RALGAPA2: variants seen among roughly 807,000 people sequenced by gnomAD.
RALGAPA2 encodes Ral GTPase activating protein catalytic subunit alpha 2.
Under a neutral mutation model 230.4 loss-of-function variants are expected in RALGAPA2, and 139 were observed. That is an observed-to-expected ratio of 0.60 (90% CI 0.53 to 0.69). The LOEUF (loss-of-function observed/expected upper bound fraction) is 0.69, where lower values mean the gene tolerates loss of function less well. Ranked by LOEUF, RALGAPA2 falls within the 30% of genes least tolerant of loss-of-function variation. The pLI is 0.00. For synonymous variants in RALGAPA2, 847 were observed against 837.8 expected (o/e 1.01, Z -0.19); for missense variants, 2,163 against 2,276.0 (o/e 0.95, Z 1.01).
intron 20 of RALGAPA2, among the ~76,000 whole-genome samples, chr20:20,579,228 T>C (rs962333239): frequency 6.6e-6 from 1 of 152,206 alleles, no homozygotes; most frequent in African/African-American, 2.4e-5. Context: ...AAAATTTAAT[T>C]GCTCTTTTCA....
chr20:20,572,089 T>C (rs910937677), intron 21 of RALGAPA2, 143 bp from the exon 22 acceptor site: 15 of 624,592 alleles, frequency 2.4e-5, no homozygotes, highest in African/African-American at 1.7e-4. Flanking sequence ...TTCTCTTTTA[T>C]TGTGAAATTA....
At chr20:20,617,274 G>A (rs6132325) in intron 12 of RALGAPA2, among the ~76,000 whole-genome samples, 2,276 of 152,232 alleles carry the variant, frequency 0.015, 91 homozygotes, top group East Asian at 0.14. Flanking sequence ...CAAAAGTCAA[G>A]TGGATGAACT....
rs2064633907 is a variant in RALGAPA2, at chr20:20,571,535, G to A, written c.3079C>T (p.Gln1027Ter). Reference sequence around the variant, plus strand: ...AAATCTGAGTTTGGCAGAACGTCCTGGCGTCTGGTCATCATGGCACAGATC... The same window carrying A: ...AAATCTGAGTTTGGCAGAACGTCCTAGCGTCTGGTCATCATGGCACAGATC... ...RLICAMMTRR[Q>*]DVLPNSDFLV... The change falls in exon 23 of 40, where the codon CAG (glutamine) becomes TAG (stop). Residue 1027 changes from glutamine to a stop codon, truncating the protein, a stop_gained. Transcript: ENST00000202677. LOFTEE classifies it high-confidence loss of function. 2 of 1,612,580 alleles carry A rather than the reference G, an allele frequency of 1.2e-6. No homozygotes were observed. Among genetic ancestry groups the A allele is most frequent in the African/African-American group, 1.3e-5 (1 of 74,902 alleles).
intron 3 of RALGAPA2, among the ~76,000 whole-genome samples, chr20:20,671,543 C>T (rs889185024): frequency 1.3e-5 from 2 of 152,300 alleles, no homozygotes; most frequent in South Asian, 2.1e-4. Context: ...CAGAATGAAA[C>T]ATACAAATTA....
intron 37 of RALGAPA2, among the ~76,000 whole-genome samples, chr20:20,451,661 A>C (rs1199441007): frequency 2.0e-5 from 3 of 152,244 alleles, no homozygotes; most frequent in African/African-American, 7.2e-5. Flanking sequence ...TGTAAATGCA[A>C]ATAACTGCCT....
chr20:20,519,398 C>T (rs2062970751), intron 31 of RALGAPA2, among the ~76,000 whole-genome samples: 1 of 152,180 alleles, frequency 6.6e-6, no homozygotes, highest in Non-Finnish European at 1.5e-5. Context: ...TACCCCTGGA[C>T]CTTTGTCCTC....
chr20:20,663,891 C>G (rs1346805522), intron 3 of RALGAPA2, among the ~76,000 whole-genome samples: 1 of 152,214 alleles, frequency 6.6e-6, no homozygotes, highest in Admixed American at 6.5e-5. Flanking sequence ...CACGCCTGGC[C>G]TGGAGCCATT....
At chr20:20,555,060 A>G (rs988579781) in intron 23 of RALGAPA2, among the ~76,000 whole-genome samples, 7 of 152,158 alleles carry the variant, frequency 4.6e-5, no homozygotes, top group African/African-American at 1.7e-4. Flanking sequence ...TTTAGCTCTC[A>G]TATTTAGGAC....
chr20:20,505,920 A>AAT (rs1280309509), intron 33 of RALGAPA2, among the ~76,000 whole-genome samples: 1 of 152,182 alleles, frequency 6.6e-6, no homozygotes, highest in Non-Finnish European at 1.5e-5. Context: ...TTGGTAAAAA[A>AAT]ATATCTTTTA....
intron 37 of RALGAPA2, among the ~76,000 whole-genome samples, chr20:20,443,661 C>T (rs1008389253): frequency 1.1e-4 from 17 of 152,252 alleles, no homozygotes; most frequent in African/African-American, 3.6e-4. Flanking sequence ...GGTCAGAATG[C>T]CTGTGCGCCA....
chr20:20,494,512 T>A (rs1004627836), intron 36 of RALGAPA2, among the ~76,000 whole-genome samples: 2 of 152,198 alleles, frequency 1.3e-5, no homozygotes, highest in Non-Finnish European at 2.9e-5. Flanking sequence ...AGCACACAGA[T>A]CATTGGATTG....
At chr20:20,664,707 A>G (rs887271945) in intron 3 of RALGAPA2, among the ~76,000 whole-genome samples, 4 of 152,190 alleles carry the variant, frequency 2.6e-5, no homozygotes, top group Non-Finnish European at 5.9e-5. Context: ...AGGGGAAAAA[A>G]TCACTCCAAG....
At position 20,398,601 on chromosome 20, in the gene RALGAPA2, T is replaced by C. The variant is rs1350995095; in HGVS notation, c.5618-1867A>G. Among the ~76,000 whole-genome samples the C allele has an allele frequency of 1.3e-5, 2 of 151,760 alleles. No individual in the cohort carries two copies. Among genetic ancestry groups the C allele is most frequent in the African/African-American group, 4.8e-5 (2 of 41,264 alleles). ...AGCTGTCAGCTTCCTGATACATCTCTGGGGTACGCACAGGGCACTGACCAA... is the reference window on the plus strand; with the variant it reads ...AGCTGTCAGCTTCCTGATACATCTCCGGGGTACGCACAGGGCACTGACCAA... On this transcript the variant is annotated intron_variant, in intron 38 of 39. Coordinates refer to ENST00000202677, the MANE Select transcript of RALGAPA2 (RefSeq NM_020343.4). This position sits in a 1 kb window ranked among gnomAD's most constrained non-coding sequence, Gnocchi z 4.5.
chr20:20,577,045 T>G (rs921351764), intron 20 of RALGAPA2, among the ~76,000 whole-genome samples: 2 of 152,200 alleles, frequency 1.3e-5, no homozygotes, highest in Admixed American at 6.5e-5. Context: ...CACATTGTGT[T>G]AATTTATTAA....
intron 36 of RALGAPA2, among the ~76,000 whole-genome samples, chr20:20,481,867 G>T (rs2061783567): frequency 6.6e-6 from 1 of 152,102 alleles, no homozygotes; most frequent in Non-Finnish European, 1.5e-5. Flanking sequence ...TGCCCTGTGG[G>T]CCTCACAGAG....
At chr20:20,544,147 C>A (rs1363088497) in intron 24 of RALGAPA2, among the ~76,000 whole-genome samples, 1 of 151,846 alleles carries the variant, frequency 6.6e-6, no homozygotes, top group African/African-American at 2.4e-5. Flanking sequence ...ATAGGCCGGG[C>A]ACGGTGGCTC....
Position 20,536,687 on chromosome 20 carries a change from T to A in RALGAPA2, c.3383A>T (p.Asn1128Ile), listed in dbSNP as rs759943550. The A allele has an allele frequency of 1.2e-6, 2 of 1,613,100 alleles. No individual in the cohort carries two copies. The highest frequency in any genetic ancestry group is 1.7e-4 in the Middle Eastern group (1 of 6,052). ...ATCTTCAGTTCCTGTAATGGCCTCA[T>A]TTACTTCTGGCACTGACTGCAGTAA... Reference protein sequence around the residue: ...IPLLQSVPEVNEAITGTEDVK... With the variant: ...IPLLQSVPEVIEAITGTEDVK... Residue 1128 changes from asparagine (N) to isoleucine (I), a missense_variant, in exon 25 of 40, where the codon AAT (asparagine) becomes ATT (isoleucine). Asn to Ile is a moderately radical substitution (Grantham distance 149). Coordinates refer to ENST00000202677, the MANE Select transcript of RALGAPA2 (RefSeq NM_020343.4).
intron 18 of RALGAPA2, among the ~76,000 whole-genome samples, chr20:20,585,418 A>G (rs2146042982): frequency 6.6e-6 from 1 of 152,296 alleles, no homozygotes; most frequent in Middle Eastern, 3.4e-3. Context: ...TCTCCTGAGC[A>G]TTGCTTAACC....
intron 34 of RALGAPA2, among the ~76,000 whole-genome samples, chr20:20,504,338 A>T (rs2062464966): frequency 6.6e-6 from 1 of 152,312 alleles, no homozygotes; most frequent in South Asian, 2.1e-4. Context: ...TTTGACTCTG[A>T]TGTACTCTTA....
Sources: allele counts gnomAD v4.1 joint callset (sites outside exome capture counted in the v4.1 genomes callset), GRCh38; gene constraint gnomAD v4.1.1; non-coding constraint Gnocchi (gnomAD v3.1); transcripts MANE v1.5; gene names NCBI Gene and HGNC (gene_info 2026-07-23, HGNC 2026-07-21).